Variants in FRMD3 observed in about 807,000 individuals in gnomAD.
FRMD3 encodes FERM domain-containing protein 3.
A neutral mutation model predicts 70.2 loss-of-function variants in FRMD3; 33 were observed. The ratio of observed to expected loss-of-function variants is 0.47; its 90% CI spans 0.36 to 0.63. The LOEUF (loss-of-function observed/expected upper bound fraction) is 0.63, where lower values mean the gene tolerates loss of function less well. Among genes scored for constraint, FRMD3 ranks in the 20% least tolerant of loss-of-function variants. The pLI, the probability that FRMD3 is intolerant of heterozygous loss-of-function variation, is 0.00. For missense variants in FRMD3, 632 were observed against 711.4 expected (o/e 0.89, Z 1.27); for synonymous variants, 279 against 255.9 (o/e 1.09, Z -0.86).
the FRMD3 span, among the ~76,000 whole-genome samples, chr9:83,544,766 G>C: frequency 1.3e-5 from 2 of 152,062 alleles, no homozygotes; most frequent in Non-Finnish European, 2.9e-5. Context: ...CCATACTAAC[G>C]TTATCTATAA....
At chr9:83,494,584 A>T (rs767140856) in intron 1 of FRMD3, among the ~76,000 whole-genome samples, 1 of 152,104 alleles carries the variant, frequency 6.6e-6, no homozygotes, top group South Asian at 2.1e-4. Context: ...ATAGTGACAC[A>T]TGTTCCTTTT....
chr9:83,282,852 A>C (rs1175013797), intron 13 of FRMD3, among the ~76,000 whole-genome samples: 1 of 152,216 alleles, frequency 6.6e-6, no homozygotes, highest in Non-Finnish European at 1.5e-5. Flanking sequence ...AATGATGCAC[A>C]CTATTGGTGT....
chr9:83,477,414 G>A (rs999910546), intron 1 of FRMD3, among the ~76,000 whole-genome samples: 3 of 152,144 alleles, frequency 2.0e-5, no homozygotes, highest in African/African-American at 4.8e-5. Context: ...GCATTTCAGA[G>A]TCACCTGGAG....
intron 6 of FRMD3, among the ~76,000 whole-genome samples, chr9:83,317,955 A>C (rs890776539): frequency 6.6e-6 from 1 of 152,208 alleles, no homozygotes; most frequent in Non-Finnish European, 1.5e-5. Flanking sequence ...AGAGCAACAA[A>C]ATATGTTTCA....
intron 1 of FRMD3, among the ~76,000 whole-genome samples, chr9:83,399,919 C>G (rs982959939): frequency 6.6e-6 from 1 of 152,038 alleles, no homozygotes; most frequent in Non-Finnish European, 1.5e-5. Context: ...AAACAGGGAA[C>G]AAGGCAAAGA....
At chr9:83,383,687 CT>C (rs1318869595) in intron 2 of FRMD3, among the ~76,000 whole-genome samples, 1 of 152,226 alleles carries the variant, frequency 6.6e-6, no homozygotes, top group African/African-American at 2.4e-5. Flanking sequence ...ACAGGAAAAA[CT>C]TCTTACCTTG....
intron 3 of FRMD3, among the ~76,000 whole-genome samples, chr9:83,352,236 T>A (rs1824185367): frequency 6.6e-6 from 1 of 152,222 alleles, no homozygotes; most frequent in Non-Finnish European, 1.5e-5. Flanking sequence ...AAAAGTTGAA[T>A]TGTTGGATCA....
rs957739109 is a variant in FRMD3, at chr9:83,447,314, C to T, written c.148-57606G>A. 5.9e-5 allele frequency among the ~76,000 whole-genome samples: 9 copies of T among 152,184 alleles called. No individual in the cohort carries two copies. In the South Asian group the frequency reaches 6.2e-4, roughly 11 times the overall value. ...CTGGGATTACAGGCGTGAGCCACCG[C>T]GCCCGGCCAGATCAGGGTTTCTAAG... is the stretch of plus-strand genomic sequence containing the variant. On this transcript the variant is annotated intron_variant, in intron 1 of 13. Coordinates refer to ENST00000304195, the MANE Select transcript of FRMD3 (RefSeq NM_174938.6).
chr9:83,295,221 C>G (rs1231057669), intron 12 of FRMD3, among the ~76,000 whole-genome samples: 1 of 152,114 alleles, frequency 6.6e-6, no homozygotes, highest in East Asian at 1.9e-4. Flanking sequence ...TCTCATTGTG[C>G]ATGTAAGATG....
Position 83,480,336 on chromosome 9 carries a change from C to G in FRMD3, c.147+57749G>C, listed in dbSNP as rs74662422. On this transcript the variant is annotated intron_variant, in intron 1 of 13. Transcript: ENST00000304195. ...TATTGTACAGTCAGCCCTCCATATC[C>G]CTGGTTTCCATATCCATGAATTCAA... Among the ~76,000 whole-genome samples, 988 of 152,168 alleles carry G rather than the reference C, an allele frequency of 6.5e-3. 10 individuals carry two copies. Among genetic ancestry groups the G allele is most frequent in the African/African-American group, 0.022 (933 of 41,502 alleles).
At chr9:83,324,470 T>C (rs1269088447) in intron 6 of FRMD3, among the ~76,000 whole-genome samples, 2 of 152,192 alleles carry the variant, frequency 1.3e-5, no homozygotes, top group Non-Finnish European at 1.5e-5. Flanking sequence ...CCCACACATA[T>C]TGTATATACT....
In FRMD3 at chr9:83,247,391, T is replaced by TTTTG; in HGVS notation, c.*526_*527insCAAA. On this transcript the variant is annotated 3_prime_UTR_variant, in exon 14 of 14. Coordinates refer to ENST00000304195, the MANE Select transcript of FRMD3 (RefSeq NM_174938.6). ...AATAACTCCAGGAGGCTTCTTTTTT[T>TTTTG]TTTTTGCTAAAAATTTACCAAAATA... 1 of 982,658 alleles carries TTTTG rather than the reference T, an allele frequency of 1.0e-6. No individual in the cohort carries two copies. Among genetic ancestry groups the TTTTG allele is most frequent in the African/African-American group, 1.7e-5 (1 of 57,190 alleles). 60.9% of individuals were successfully genotyped at this position (982,658 alleles called of 1,614,324 possible).
intron 2 of FRMD3, among the ~76,000 whole-genome samples, chr9:83,384,757 G>A (rs1292048875): frequency 6.6e-6 from 1 of 152,158 alleles, no homozygotes; most frequent in African/African-American, 2.4e-5. Flanking sequence ...CAAAAGTGTG[G>A]ATTTCCAAAG....
intron 1 of FRMD3, among the ~76,000 whole-genome samples, chr9:83,407,847 C>CTCTCTCTCTCTCTCTCTCTCTCTCATCTT (rs1826154612): frequency 1.2e-4 from 15 of 122,998 alleles, no homozygotes; most frequent in African/African-American, 5.5e-4. Context: ...GTCTCTCTCT[C>CTCTCTCTCTCTCTCTCTCTCTCTCATCTT]TCTCTCTCTC....
chr9:83,281,852 G>A (rs1431898938), intron 13 of FRMD3, among the ~76,000 whole-genome samples: 1 of 152,118 alleles, frequency 6.6e-6, no homozygotes, highest in Non-Finnish European at 1.5e-5. Flanking sequence ...GAGTCAGCAG[G>A]TCCTGGCATG....
At chr9:83,274,091 G>A (rs1833712808) in intron 13 of FRMD3, among the ~76,000 whole-genome samples, 1 of 152,086 alleles carries the variant, frequency 6.6e-6, no homozygotes. Context: ...AAGCACTAAG[G>A]ATTACAGGCA....
chr9:83,279,433 G>A (rs766396304), intron 13 of FRMD3: 14 of 152,146 alleles, frequency 9.2e-5, no homozygotes, highest in Non-Finnish European at 1.6e-4. Flanking sequence ...GGCACCATTT[G>A]TCCAAGGAAT....
the FRMD3 span, among the ~76,000 whole-genome samples, chr9:83,548,204 G>C: frequency 6.6e-6 from 1 of 152,166 alleles, no homozygotes; most frequent in African/African-American, 2.4e-5. Flanking sequence ...ATATAATGTA[G>C]CACCTATGCA....
intron 3 of FRMD3, among the ~76,000 whole-genome samples, chr9:83,366,254 C>T (rs1298698816): frequency 6.6e-6 from 1 of 152,156 alleles, no homozygotes; most frequent in Non-Finnish European, 1.5e-5. Flanking sequence ...GAGCGATTTT[C>T]TGAAAGTGAT....
Sources: gnomAD v4.1 joint callset for allele counts (sites outside exome capture counted in the v4.1 genomes callset) on GRCh38, gnomAD v4.1.1 for gene constraint, MANE v1.5 for transcripts, NCBI Gene and HGNC (gene_info 2026-07-23, HGNC 2026-07-21) for gene names.